Variants in AGTPBP1 observed in about 807,000 individuals in gnomAD.
AGTPBP1 encodes cytosolic carboxypeptidase 1.
In AGTPBP1, 70 loss-of-function variants were observed where a neutral mutation model predicts 143.9. The ratio of observed to expected loss-of-function variants is 0.49; its 90% confidence interval spans 0.40 to 0.59. The LOEUF is 0.59. Among genes scored for constraint, AGTPBP1 ranks in the 20% least tolerant of loss-of-function variants. AGTPBP1 has a pLI of 0.00. For synonymous variants in AGTPBP1, 463 were observed against 500.2 expected (o/e 0.93, Z 0.99); for missense variants, 1,229 against 1,464.5 (o/e 0.84, Z 2.62).
At chr9:85,650,773 A>G (rs1833115910) in intron 11 of AGTPBP1, among the ~76,000 whole-genome samples, 1 of 152,186 alleles carries the variant, frequency 6.6e-6, no homozygotes. Context: ...ATCAACCACC[A>G]ACACTGTTTC....
intron 1 of AGTPBP1, among the ~76,000 whole-genome samples, chr9:85,730,816 G>T (rs113075294): frequency 6.6e-6 from 1 of 151,936 alleles, no homozygotes; most frequent in African/African-American, 2.4e-5. Flanking sequence ...CTTCTCACTG[G>T]TAAATCTCTT....
chr9:85,699,835 T>C (rs989834350), intron 2 of AGTPBP1, among the ~76,000 whole-genome samples: 2 of 152,204 alleles, frequency 1.3e-5, no homozygotes, highest in East Asian at 1.9e-4. Flanking sequence ...TTTTTTACCA[T>C]AACACAAATT....
chr9:85,677,352 A>C, intron 6 of AGTPBP1, 84 bp downstream of exon 6: 2 of 1,256,752 alleles, frequency 1.6e-6, no homozygotes, highest in Non-Finnish European at 2.2e-6. Flanking sequence ...TAACATTTTT[A>C]AAAACTGAGT....
At chr9:85,601,301 C>T (rs1016010053) in intron 17 of AGTPBP1, among the ~76,000 whole-genome samples, 2 of 152,170 alleles carry the variant, frequency 1.3e-5, no homozygotes, top group Admixed American at 6.5e-5. Flanking sequence ...CTAGGGATCA[C>T]CCAGCCGTCC....
At chr9:85,664,684 C>G (rs999623331) in intron 8 of AGTPBP1, among the ~76,000 whole-genome samples, 1 of 152,098 alleles carries the variant, frequency 6.6e-6, no homozygotes, top group African/African-American at 2.4e-5. Context: ...TTAATTTCTA[C>G]ATGTTATAAA....
At chr9:85,742,606 T>G (rs117331900), upstream of AGTPBP1, among the ~76,000 whole-genome samples, 1 of 152,134 alleles carries the variant, frequency 6.6e-6, no homozygotes, top group Non-Finnish European at 1.5e-5. Flanking sequence ...GCGAACAAAA[T>G]AGCATGCTGA....
At chr9:85,561,640 A>G (rs1329223469) in intron 25 of AGTPBP1, among the ~76,000 whole-genome samples, 1 of 152,108 alleles carries the variant, frequency 6.6e-6, no homozygotes, top group East Asian at 1.9e-4. Flanking sequence ...AAAAAAATGA[A>G]GAGAAAAAAG....
chr9:85,597,188 C>CT (rs1244543966), intron 17 of AGTPBP1, among the ~76,000 whole-genome samples: 1 of 151,288 alleles, frequency 6.6e-6, no homozygotes, highest in Non-Finnish European at 1.5e-5. Context: ...TTATAAGATT[C>CT]TTTTTTCCCT....
At chr9:85,599,201 AGGAGAGAG>A (rs954638134) in intron 17 of AGTPBP1, among the ~76,000 whole-genome samples, 2 of 145,878 alleles carry the variant, frequency 1.4e-5, no homozygotes, top group African/African-American at 2.6e-5. Flanking sequence ...GAGGGACAGA[AGGAGAGAG>A]GGAGAGAGGA....
chr9:85,743,075 G>A (rs950993640), upstream of AGTPBP1, among the ~76,000 whole-genome samples: 9 of 152,156 alleles, frequency 5.9e-5, no homozygotes, highest in African/African-American at 1.9e-4. Flanking sequence ...CTCATCGTGA[G>A]CACTAAAAGA....
chr9:85,691,536 G>GGTGTGTGGGTGT (rs1835874685), intron 3 of AGTPBP1, among the ~76,000 whole-genome samples: 1 of 144,480 alleles, frequency 6.9e-6, no homozygotes, highest in African/African-American at 2.5e-5. Flanking sequence ...AAAAAAAGAG[G>GGTGTGTGGGTGT]GTGTGTGTGT....
At chr9:85,710,689 A>G (rs1201698258) in intron 2 of AGTPBP1, among the ~76,000 whole-genome samples, 1 of 151,938 alleles carries the variant, frequency 6.6e-6, no homozygotes, top group Non-Finnish European at 1.5e-5. Flanking sequence ...AACAACAACA[A>G]CAACAACAAC....
intron 1 of AGTPBP1, among the ~76,000 whole-genome samples, chr9:85,737,723 GT>G (rs1450657552): frequency 6.6e-6 from 1 of 152,132 alleles, no homozygotes; most frequent in East Asian, 1.9e-4. Flanking sequence ...CAACCAATGG[GT>G]TTTACTAGAG....
At chr9:85,672,936 T>A (rs1394705217) in intron 6 of AGTPBP1, among the ~76,000 whole-genome samples, 2 of 152,032 alleles carry the variant, frequency 1.3e-5, no homozygotes, top group African/African-American at 2.4e-5. Context: ...GCTTTCGCCA[T>A]GTTGGCCAGG....
At chr9:85,557,682 A>T (rs1380955362) in intron 25 of AGTPBP1, among the ~76,000 whole-genome samples, 2 of 152,224 alleles carry the variant, frequency 1.3e-5, no homozygotes, top group East Asian at 3.8e-4. Flanking sequence ...CACATAGCTA[A>T]GTATTAGACA....
intron 13 of AGTPBP1, among the ~76,000 whole-genome samples, chr9:85,635,935 G>A (rs11141048): frequency 0.14 from 20,706 of 151,964 alleles, 1,913 homozygotes; most frequent in Non-Finnish European, 0.21. Context: ...ATTAAAAACC[G>A]GCCATCAAAT....
intron 8 of AGTPBP1, among the ~76,000 whole-genome samples, chr9:85,664,033 A>C (rs1042934727): frequency 2.0e-5 from 3 of 152,194 alleles, no homozygotes; most frequent in Non-Finnish European, 4.4e-5. Flanking sequence ...ATCATGATAC[A>C]TGGAAGAAGC....
intron 2 of AGTPBP1, among the ~76,000 whole-genome samples, chr9:85,707,114 A>G (rs1243183241): frequency 6.6e-6 from 1 of 152,162 alleles, no homozygotes; most frequent in Non-Finnish European, 1.5e-5. Context: ...CCCCTCAAAT[A>G]TTTGGAAAGT....
intron 2 of AGTPBP1, among the ~76,000 whole-genome samples, chr9:85,700,595 T>C (rs912391931): frequency 4.6e-5 from 7 of 152,236 alleles, no homozygotes; most frequent in African/African-American, 1.7e-4. Flanking sequence ...CATAGCCATG[T>C]ATCCAAGTCC....
Sources: gnomAD v4.1 joint callset for allele counts (sites outside exome capture counted in the v4.1 genomes callset) on GRCh38, gnomAD v4.1.1 for gene constraint, MANE v1.5 for transcripts, NCBI Gene and HGNC (gene_info 2026-07-23, HGNC 2026-07-21) for gene names.